The following P4HB variants were observed in gnomAD, a reference collection of about 807,000 sequenced individuals.
P4HB encodes prolyl 4-hydroxylase subunit beta, also known as protein disulfide-isomerase.
In P4HB, 20 loss-of-function variants were observed where a neutral mutation model predicts 52.6. The observed-to-expected ratio is 0.38, with a 90% CI of 0.27 to 0.55. The LOEUF (loss-of-function observed/expected upper bound fraction) is 0.55, where lower values mean the gene tolerates loss of function less well. P4HB is among the 20% of genes least tolerant of loss of function. P4HB has a pLI of 0.74. For missense variants in P4HB, 601 were observed against 669.2 expected (o/e 0.90, Z 1.12); for synonymous variants, 296 against 277.9 (o/e 1.07, Z -0.65).
Position 81,853,467 on chromosome 17 carries a change from G to A in P4HB, c.624+1675C>T, listed in dbSNP as rs113450959. 5.7e-3 allele frequency among the ~76,000 whole-genome samples: 861 copies of A among 151,858 alleles called. 6 individuals are homozygous for A. Among genetic ancestry groups the A allele is most frequent in the African/African-American group, 0.019 (798 of 41,256 alleles). The stretch of plus-strand genomic sequence containing the variant: ...GGGTGCCCTGTAGTCCCAGCTACTC[G>A]GGAGGCTGAGGCAGGAGAATGGCGT... On this transcript the variant is annotated intron_variant, in intron 4 of 10. Transcript: ENST00000331483.
At chr17:81,847,507 C>T in intron 4 of P4HB, 160 bp from the exon 5 acceptor site, 2 of 653,012 alleles carry the variant, frequency 3.1e-6, no homozygotes, top group East Asian at 2.7e-5. Context: ...CATGGCTGTT[C>T]CTCGACAGTA....
At position 81,847,068 on chromosome 17, in the gene P4HB, G is replaced by C; in HGVS notation, c.734C>G (p.Ala245Gly). ...PLVIEFTEQT[A>G]PKIFGGEIKT... The stretch of plus-strand genomic sequence containing the variant: ...GATTTCACCTCCAAAAATCTTCGGG[G>C]CTGTCTGTGTTATAAACTTAAGTTA... The change falls in exon 6 of 11, where the codon GCC becomes GGC. Residue 245 changes from alanine (A) to glycine (G), a missense_variant. Transcript: ENST00000331483. The C allele has an allele frequency of 1.2e-6, 2 of 1,613,984 alleles. No homozygotes were observed. Among genetic ancestry groups the C allele is most frequent in the Non-Finnish European group, 1.7e-6 (2 of 1,180,002 alleles).
In P4HB at chr17:81,855,378, C is replaced by G. The variant is rs2038896972; in HGVS notation, c.486+75G>C. The stretch of plus-strand genomic sequence containing the variant: ...CAGGCCAGGGGGGACACGTGCAGAA[C>G]TGCCAGCTGCAGGCTGTGGACCCCT... On this transcript the variant is annotated intron_variant, in intron 3 of 10. Transcript: ENST00000331483. The surrounding 1 kb of genome is among the most constrained non-coding windows in gnomAD (Gnocchi z 4.3). The G allele has an allele frequency of 1.2e-5, 19 of 1,595,872 alleles. No homozygotes were observed. Among genetic ancestry groups the G allele is most frequent in the African/African-American group, 2.7e-5 (2 of 74,626 alleles).
chr17:81,845,796 G>A (rs766349876), intron 8 of P4HB, 54 bp from the exon 9 acceptor site: 61 of 1,611,476 alleles, frequency 3.8e-5, no homozygotes, highest in Non-Finnish European at 5.0e-5. Context: ...ACTGGCAGAC[G>A]CTTCCCCAGG....
chr17:81,857,696 G>A (rs1180769112), intron 2 of P4HB, among the ~76,000 whole-genome samples: 1 of 152,216 alleles, frequency 6.6e-6, no homozygotes, highest in African/African-American at 2.4e-5. Flanking sequence ...CCAGGAAGAA[G>A]ATGACACACT....
chr17:81,846,361 A>G lies in P4HB; in HGVS notation c.1056+68T>C. 1 of 1,411,734 alleles carries G rather than the reference A, an allele frequency of 7.1e-7. No homozygotes were observed. Among genetic ancestry groups the G allele is most frequent in the South Asian group, 1.2e-5 (1 of 86,840 alleles). The allele number at this position is 1,411,734 out of a possible 1,614,324, so 87.5% of individuals were successfully genotyped here. On this transcript the variant is annotated intron_variant, in intron 7 of 10. Transcript: ENST00000331483. This position sits in a 1 kb window ranked among gnomAD's most constrained non-coding sequence, Gnocchi z 5.7. ...TTTGAGGACGAAGCCCAGGACACTG[A>G]GAGCCCAGAGACCCCAAGGTGGCGG...
chr17:81,847,279 G>C lies in P4HB; in HGVS notation c.693C>G (p.His231Gln), dbSNP rs146810022. Reference sequence around the variant, plus strand: ...ACTCGATGACAAGGGGCAGCTGGTTGTGTTTGATAAAGTCCAGCAGGTTCT... The same window carrying C: ...ACTCGATGACAAGGGGCAGCTGGTTCTGTTTGATAAAGTCCAGCAGGTTCT... ...TKENLLDFIK[H>Q]NQLPLVIEFT... is the part of the protein sequence containing the mutation. Residue 231 changes from histidine (H) to glutamine (Q), a missense_variant, in exon 5 of 11, where the codon CAC becomes CAG. By Grantham distance (24) the His-to-Gln change is conservative. Transcript: ENST00000331483. The C allele has an allele frequency of 6.2e-5, 100 of 1,614,064 alleles. No homozygotes were observed. The highest frequency in any genetic ancestry group is 8.3e-5 in the Non-Finnish European group (98 of 1,180,046).
intron 4 of P4HB, chr17:81,847,588 C>G: frequency 1.8e-6 from 1 of 560,462 alleles, no homozygotes; most frequent in Non-Finnish European, 3.2e-6. Context: ...ACAATGCAAG[C>G]CTGGCGCACG....
At chr17:81,844,707 G>C (rs116595956) in intron 10 of P4HB, among the ~76,000 whole-genome samples, 8,299 of 152,222 alleles carry the variant, frequency 0.055, 530 homozygotes, top group East Asian at 0.17. Flanking sequence ...CAGCCTTCCT[G>C]CTTCCCCGGC....
chr17:81,858,257 C>CAA (rs901002093), intron 2 of P4HB, among the ~76,000 whole-genome samples: 478 of 38,762 alleles, frequency 0.012, 35 homozygotes, highest in East Asian at 0.051. Flanking sequence ...GAGACTGTCT[C>CAA]AAAAAAAAAA....
intron 2 of P4HB, among the ~76,000 whole-genome samples, chr17:81,857,409 A>G (rs2038928803): frequency 6.6e-6 from 1 of 152,198 alleles, no homozygotes; most frequent in Non-Finnish European, 1.5e-5. Flanking sequence ...TCAGCCTCCC[A>G]AAGTGCTGGG....
chr17:81,858,521 C>T (rs753183872), intron 2 of P4HB, among the ~76,000 whole-genome samples: 2 of 152,154 alleles, frequency 1.3e-5, no homozygotes, highest in Non-Finnish European at 2.9e-5. Context: ...GCCACAGAAC[C>T]GGTTTTATAG....
chr17:81,847,116 T>C (rs1373130287), intron 5 of P4HB, 44 bp from the exon 6 acceptor site: 1 of 1,612,396 alleles, frequency 6.2e-7, no homozygotes, highest in Admixed American at 1.7e-5. Context: ...CACACACTAT[T>C]AATGCAGAAG....
At position 81,855,080 on chromosome 17, in the gene P4HB, A is replaced by G; in HGVS notation, c.624+62T>C. ...GGTTCCCTTAACGATAAGGAGAGCA[A>G]CGCCACCCTCTGCAGACCAACCCCA... On this transcript the variant is annotated intron_variant, in intron 4 of 10. Transcript: ENST00000331483. The surrounding 1 kb of genome is among the most constrained non-coding windows in gnomAD (Gnocchi z 4.3). The G allele has an allele frequency of 6.4e-7, 1 of 1,554,592 alleles. No homozygotes were observed. Among genetic ancestry groups the G allele is most frequent in the Non-Finnish European group, 8.9e-7 (1 of 1,127,844 alleles).
In P4HB at chr17:81,855,655, C is replaced by T. The variant is rs937288146; in HGVS notation, c.353-69G>A. 10 of 1,544,622 alleles carry T rather than the reference C, an allele frequency of 6.5e-6. No homozygotes were observed. The highest frequency in any genetic ancestry group is 4.8e-5 in the South Asian group (4 of 83,046). On this transcript the variant is annotated intron_variant, in intron 2 of 10. Coordinates refer to ENST00000331483, the MANE Select transcript of P4HB (RefSeq NM_000918.4). This position sits in a 1 kb window ranked among gnomAD's most constrained non-coding sequence, Gnocchi z 4.3. ...CCGCCTGCCCTGCCGCGCCTGCTCC[C>T]GTCTCTGCTCTCTGCCAGCCAGGCT...
chr17:81,853,969 G>A (rs1567839976), intron 4 of P4HB, among the ~76,000 whole-genome samples: 1 of 152,242 alleles, frequency 6.6e-6, no homozygotes, highest in Non-Finnish European at 1.5e-5. Context: ...GTGCAAACAA[G>A]GACCCTGCTG....
rs969087971 is a variant in P4HB at position 81,849,420 on chromosome 17, C to T, written c.625-2073G>A. 2.0e-5 allele frequency among the ~76,000 whole-genome samples: 3 copies of T among 152,108 alleles called. No homozygotes were observed. In the East Asian group the frequency reaches 5.8e-4, roughly 29 times the overall value. On this transcript the variant is annotated intron_variant, in intron 4 of 10. Transcript: ENST00000331483. ...CTGAGGCAGGAGAATCGCTTGAACC[C>T]AGGAGGCGGAGGTTGCAGTGAGCCC...
intron 4 of P4HB, chr17:81,847,605 T>C: frequency 1.9e-6 from 1 of 532,374 alleles, no homozygotes; most frequent in Non-Finnish European, 3.4e-6. Context: ...CACGTGGTCC[T>C]CCAGCAACCT....
chr17:81,847,363 G>A lies in P4HB; in HGVS notation c.625-16C>T, dbSNP rs781602731. The A allele has an allele frequency of 6.2e-7, 1 of 1,601,464 alleles. No individual in the cohort carries two copies. The highest frequency in any genetic ancestry group is 1.1e-5 in the South Asian group (1 of 90,846). On this transcript the variant is annotated splice_polypyrimidine_tract_variant and intron_variant, in intron 4 of 10. Coordinates refer to ENST00000331483, the MANE Select transcript of P4HB (RefSeq NM_000918.4). ...CTTCATCAAACTGTGGACAGAAAGAGGGCCCTGACTGAGCATTGCTGCTGG... is the reference window on the plus strand; with the variant it reads ...CTTCATCAAACTGTGGACAGAAAGAAGGCCCTGACTGAGCATTGCTGCTGG...
Sources: gnomAD v4.1 joint callset for allele counts (sites outside exome capture counted in the v4.1 genomes callset) on GRCh38, gnomAD v4.1.1 for gene constraint, Gnocchi (gnomAD v3.1) non-coding constraint, MANE v1.5 for transcripts, NCBI Gene and HGNC (gene_info 2026-07-23, HGNC 2026-07-21) for gene names.